SLC39A9: variants seen among roughly 807,000 people sequenced by gnomAD.
The protein encoded by SLC39A9 is solute carrier family 39 member 9, also known as zinc transporter ZIP9.
In SLC39A9, 14 loss-of-function variants were observed where a neutral mutation model predicts 28.4. The observed-to-expected ratio is 0.49, with a 90% CI of 0.33 to 0.77. The LOEUF is 0.77. SLC39A9 is among the 30% of genes least tolerant of loss of function. SLC39A9 has a pLI of 0.02. For missense variants in SLC39A9, 283 were observed against 381.1 expected (o/e 0.74, Z 2.14); for synonymous variants, 119 against 149.6 (o/e 0.80, Z 1.49).
intron 2 of SLC39A9, 132 bp from the exon 3 acceptor site, chr14:69,441,937 G>C (rs1885067668): frequency 2.1e-6 from 3 of 1,428,878 alleles, no homozygotes; most frequent in Non-Finnish European, 2.7e-6. Flanking sequence ...TGATTGGCTG[G>C]ATTACAATAT....
At chr14:69,412,494 A>G (rs922177165) in intron 1 of SLC39A9, among the ~76,000 whole-genome samples, 10 of 152,110 alleles carry the variant, frequency 6.6e-5, no homozygotes, top group Non-Finnish European at 1.0e-4. Flanking sequence ...AATCACTGAA[A>G]ATTCTTGATA....
chr14:69,417,165 G>A (rs1035025598), intron 1 of SLC39A9, among the ~76,000 whole-genome samples: 19 of 152,270 alleles, frequency 1.2e-4, no homozygotes, highest in African/African-American at 3.8e-4. Flanking sequence ...GTAAGGAAGG[G>A]ATCCAGTTTC....
chr14:69,458,233 G>C lies in SLC39A9; in HGVS notation c.694-130G>C, dbSNP rs1885959052. On this transcript the variant is annotated intron_variant, in intron 6 of 6. Coordinates refer to ENST00000336643, the MANE Select transcript of SLC39A9 (RefSeq NM_018375.5). ...CCCATGAATAACTTAAAGTTGCTGT[G>C]TTCTCTAGATGTCCCCAGTGTCCTA... 4 of 1,125,898 alleles carry C rather than the reference G, an allele frequency of 3.6e-6. No individual in the cohort carries two copies. The East Asian group carries it at 9.6e-5, about 27-fold the overall frequency. 69.7% of individuals were successfully genotyped at this position (1,125,898 alleles called of 1,614,324 possible).
intron 3 of SLC39A9, among the ~76,000 whole-genome samples, chr14:69,447,293 C>A (rs946569153): frequency 1.5e-4 from 23 of 152,122 alleles, no homozygotes; most frequent in African/African-American, 5.3e-4. Context: ...GGACAGAATT[C>A]AAAAAACCAG....
rs1440146458 is a variant in SLC39A9, at chr14:69,459,453, A to G, written c.*860A>G. The G allele has an allele frequency of 4.1e-6, 4 of 985,320 alleles. No homozygotes were observed. In the Admixed American group the frequency reaches 1.8e-4, roughly 45 times the overall value. The allele number at this position is 985,320 out of a possible 1,614,324, so 61.0% of individuals were successfully genotyped here. A position where few individuals can be genotyped will look rare whatever the true frequency, so the allele number is the denominator to read the frequency against. ...GTCAGATCACAAAGTGTCTTTGGAA[A>G]TTAAGGGATATTAAATTTTAAGTGA... On this transcript the variant is annotated 3_prime_UTR_variant, in exon 7 of 7. Coordinates refer to ENST00000336643, the MANE Select transcript of SLC39A9 (RefSeq NM_018375.5).
chr14:69,431,976 G>A (rs1044511204), intron 2 of SLC39A9, among the ~76,000 whole-genome samples: 1 of 152,180 alleles, frequency 6.6e-6, no homozygotes, highest in Non-Finnish European at 1.5e-5. Flanking sequence ...GGGCAACTAG[G>A]TTGATTCCAT....
At chr14:69,400,364 G>A (rs1882565005) in intron 1 of SLC39A9, among the ~76,000 whole-genome samples, 1 of 152,202 alleles carries the variant, frequency 6.6e-6, no homozygotes, top group Non-Finnish European at 1.5e-5. Context: ...TTGAACAGAT[G>A]TTAAGCGAGG....
At position 69,447,739 on chromosome 14, in the gene SLC39A9, T is replaced by C. The variant is rs187139979; in HGVS notation, c.403+5473T>C. On this transcript the variant is annotated intron_variant, in intron 3 of 6. Coordinates refer to ENST00000336643, the MANE Select transcript of SLC39A9 (RefSeq NM_018375.5). Reference sequence around the variant, plus strand: ...CCAGCCTGGGCAACATGTCAAAACCTTTTTTCTACAAAAAAATACAAAAAT... The same window carrying C: ...CCAGCCTGGGCAACATGTCAAAACCCTTTTTCTACAAAAAAATACAAAAAT... 2.0e-3 allele frequency among the ~76,000 whole-genome samples: 309 copies of C among 151,578 alleles called. 1 individual carries two copies. The highest frequency in any genetic ancestry group is 7.2e-3 in the African/African-American group (298 of 41,314).
rs114659979 is a variant in SLC39A9 at position 69,432,539 on chromosome 14, G to A, written c.205+8337G>A. Among the ~76,000 whole-genome samples the A allele has an allele frequency of 2.9e-3, 448 of 152,148 alleles. 3 individuals carry two copies. The highest frequency in any genetic ancestry group is 0.011 in the African/African-American group (436 of 41,504). On this transcript the variant is annotated intron_variant, in intron 2 of 6. Transcript: ENST00000336643. The stretch of plus-strand genomic sequence containing the variant: ...TTCTCTTGATAGTTTACTGTGTAGA[G>A]GCTGTTTAGTTTTATTAGGTCCTAC...
intron 2 of SLC39A9, among the ~76,000 whole-genome samples, chr14:69,427,883 C>T (rs1861949421): frequency 6.6e-6 from 1 of 152,108 alleles, no homozygotes; most frequent in African/African-American, 2.4e-5. Flanking sequence ...GAAAAGAGCC[C>T]ATATTGGAGC....
At chr14:69,445,042 T>C (rs1311877860) in intron 3 of SLC39A9, among the ~76,000 whole-genome samples, 3 of 141,830 alleles carry the variant, frequency 2.1e-5, no homozygotes, top group Non-Finnish European at 3.1e-5. Context: ...CCAGGAGGTA[T>C]TGTTAAATGG....
chr14:69,458,217 A>G (rs1177719540), intron 6 of SLC39A9, 146 bp from the exon 7 acceptor site: 4 of 921,350 alleles, frequency 4.3e-6, no homozygotes, highest in South Asian at 4.6e-5. Context: ...TCCCATGAAT[A>G]ACTTAAAGTT....
chr14:69,399,433 G>A lies in SLC39A9; in HGVS notation c.64G>A (p.Gly22Arg). ...LAMLVGCYVA[G>R]IIPLAVNFSE... ...TATGTTGGTGGGATGTTACGTGGCC[G>A]GAATCATTCCCTTGGCTGTTAATTT... Residue 22 changes from glycine (G) to arginine (R), a missense_variant, in exon 1 of 7, where the codon GGA (glycine) becomes AGA (arginine). By Grantham distance (125) the Gly-to-Arg change is moderately radical. Coordinates refer to ENST00000336643, the MANE Select transcript of SLC39A9 (RefSeq NM_018375.5). 6.2e-7 allele frequency: 1 copy of A among 1,613,880 alleles called. No homozygotes were observed. Among genetic ancestry groups the A allele is most frequent in the Non-Finnish European group, 8.5e-7 (1 of 1,179,912 alleles).
intron 3 of SLC39A9, among the ~76,000 whole-genome samples, chr14:69,445,324 T>C (rs1403556688): frequency 6.6e-6 from 1 of 152,168 alleles, no homozygotes. Flanking sequence ...CTCCTCAGCC[T>C]ACTCAATGTG....
intron 3 of SLC39A9, among the ~76,000 whole-genome samples, chr14:69,446,316 T>G (rs531719187): frequency 6.6e-6 from 1 of 151,300 alleles, no homozygotes; most frequent in African/African-American, 2.4e-5. Flanking sequence ...TGTCTGAAGA[T>G]GGGGCCTAGA....
intron 6 of SLC39A9, among the ~76,000 whole-genome samples, chr14:69,457,343 C>T (rs1004779790): frequency 2.6e-5 from 4 of 152,042 alleles, no homozygotes; most frequent in Admixed American, 6.6e-5. Context: ...GCTGGGATTA[C>T]AGGCGCCCGC....
intron 1 of SLC39A9, among the ~76,000 whole-genome samples, chr14:69,411,291 A>G (rs909826446): frequency 1.3e-5 from 2 of 151,936 alleles, no homozygotes; most frequent in African/African-American, 2.4e-5. Context: ...TTCTGTGAGC[A>G]GGGAAAGAAA....
intron 6 of SLC39A9, among the ~76,000 whole-genome samples, chr14:69,457,267 A>T (rs911746457): frequency 6.6e-6 from 1 of 151,976 alleles, no homozygotes; most frequent in Non-Finnish European, 1.5e-5. Flanking sequence ...CAATGGCGCA[A>T]TCTTGGCTCA....
rs140075085 is a variant in SLC39A9, at chr14:69,420,703, ACT to A, written c.97-3388_97-3387del. On this transcript the variant is annotated intron_variant, in intron 1 of 6. Transcript: ENST00000336643. Reference sequence around the variant, plus strand: ...TTGGAGGGTTTGTTCATTTCTTTTTACTCTTTTTTTCTCTAAACTTCTCACTT... The same window carrying A: ...TTGGAGGGTTTGTTCATTTCTTTTTACTTTTTTTCTCTAAACTTCTCACTT... Among the ~76,000 whole-genome samples, 759 of 151,324 alleles carry A rather than the reference ACT, an allele frequency of 5.0e-3. 2 individuals carry two copies. The highest frequency in any genetic ancestry group is 0.018 in the African/African-American group (737 of 41,186).
Sources: gnomAD v4.1 joint callset for allele counts (sites outside exome capture counted in the v4.1 genomes callset) on GRCh38, gnomAD v4.1.1 for gene constraint, MANE v1.5 for transcripts, NCBI Gene and HGNC (gene_info 2026-07-23, HGNC 2026-07-21) for gene names.